TMEM132D: variants seen among roughly 807,000 people sequenced by gnomAD.
The protein encoded by TMEM132D is transmembrane protein 132D, also known as mature OL transmembrane protein.
In TMEM132D, 21 loss-of-function variants were observed where a neutral mutation model predicts 62.3. The observed-to-expected ratio is 0.34, with a 90% CI of 0.24 to 0.49. The LOEUF (loss-of-function observed/expected upper bound fraction) is 0.49. TMEM132D is among the 20% of genes least tolerant of loss of function. TMEM132D has a pLI of 0.99. For synonymous variants in TMEM132D, 621 were observed against 575.6 expected (o/e 1.08, Z -1.13); for missense variants, 1,346 against 1,402.8 (o/e 0.96, Z 0.65).
chr12:129,380,933 C>A lies in TMEM132D; in HGVS notation c.1116-43116G>T, dbSNP rs150809320. ...TCCTTTTTTTGTTGCCAGATGAAAT[C>A]TTTTCAAATAAATAAATGGATATTG... On this transcript the variant is annotated intron_variant, in intron 3 of 8. Coordinates refer to ENST00000422113, the MANE Select transcript of TMEM132D (RefSeq NM_133448.3). Among the ~76,000 whole-genome samples, 47 of 152,202 alleles carry A rather than the reference C, an allele frequency of 3.1e-4. 1 individual carries two copies. The highest frequency in any genetic ancestry group is 1.1e-3 in the African/African-American group (47 of 41,532).
At chr12:129,745,523 G>A (rs1469298511) in intron 1 of TMEM132D, among the ~76,000 whole-genome samples, 2 of 152,018 alleles carry the variant, frequency 1.3e-5, no homozygotes, top group East Asian at 3.9e-4. Flanking sequence ...GTGAGTGCAC[G>A]GATTCAACCC....
chr12:129,771,295 T>A (rs1172444501), intron 1 of TMEM132D, among the ~76,000 whole-genome samples: 1 of 152,220 alleles, frequency 6.6e-6, no homozygotes, highest in Non-Finnish European at 1.5e-5. Context: ...TTGAGGGGAT[T>A]AACCACTCTG....
At chr12:129,761,369 C>G (rs577817903) in intron 1 of TMEM132D, among the ~76,000 whole-genome samples, 1 of 152,236 alleles carries the variant, frequency 6.6e-6, no homozygotes, top group African/African-American at 2.4e-5. Context: ...TGGCTGCCCC[C>G]AAAGGGCCAC....
intron 5 of TMEM132D, among the ~76,000 whole-genome samples, chr12:129,126,404 C>T (rs1876216534): frequency 1.3e-5 from 2 of 150,346 alleles, no homozygotes; most frequent in Non-Finnish European, 3.0e-5. Flanking sequence ...TTTTTGGCCC[C>T]TTCAACCTTT....
At position 129,805,182 on chromosome 12, in the gene TMEM132D, A is replaced by T. The variant is rs1871938914; in HGVS notation, c.79+98079T>A. Among the ~76,000 whole-genome samples, 3 of 151,902 alleles carry T rather than the reference A, an allele frequency of 2.0e-5. No individual in the cohort carries two copies. In the South Asian group the frequency reaches 6.2e-4, roughly 32 times the overall value. ...CCAATGCCTTTCTTCACAGAATTGG[A>T]AAAAACTACTTTAAAGTTCATATGG... On this transcript the variant is annotated intron_variant, in intron 1 of 8. Coordinates refer to ENST00000422113, the MANE Select transcript of TMEM132D (RefSeq NM_133448.3).
intron 1 of TMEM132D, among the ~76,000 whole-genome samples, chr12:129,760,514 C>G (rs1447894580): frequency 6.6e-6 from 1 of 151,656 alleles, no homozygotes; most frequent in Non-Finnish European, 1.5e-5. Context: ...CCACGCCCGG[C>G]TGATTTTTGT....
At chr12:129,576,610 A>G (rs1308055118) in intron 2 of TMEM132D, among the ~76,000 whole-genome samples, 1 of 151,282 alleles carries the variant, frequency 6.6e-6, no homozygotes, top group African/African-American at 2.4e-5. Context: ...TTATACACAC[A>G]CACACACACA....
intron 4 of TMEM132D, among the ~76,000 whole-genome samples, chr12:129,268,933 A>G (rs2135599607): frequency 6.8e-6 from 1 of 147,464 alleles, no homozygotes; most frequent in East Asian, 2.1e-4. Context: ...AAAACCAAAC[A>G]CTGCATGTTC....
chr12:129,781,660 G>C (rs1871123548), intron 1 of TMEM132D, among the ~76,000 whole-genome samples: 1 of 152,132 alleles, frequency 6.6e-6, no homozygotes, highest in Admixed American at 6.5e-5. Context: ...CCAGCCTGTA[G>C]GAAGCAAAGA....
chr12:129,081,717 A>C, intron 7 of TMEM132D, 42 bp downstream of exon 7: 1 of 1,538,346 alleles, frequency 6.5e-7, no homozygotes, highest in Non-Finnish European at 8.7e-7. Context: ...AGGTGGGAAG[A>C]CAGAGAGATC....
chr12:129,299,123 A>G (rs1335304578), intron 4 of TMEM132D, among the ~76,000 whole-genome samples: 2 of 152,200 alleles, frequency 1.3e-5, no homozygotes, highest in Non-Finnish European at 2.9e-5. Context: ...TTCAGATATG[A>G]CATCTGATTT....
chr12:129,715,153 G>A (rs1467853028), intron 1 of TMEM132D, among the ~76,000 whole-genome samples: 2 of 152,120 alleles, frequency 1.3e-5, no homozygotes, highest in South Asian at 4.2e-4. Context: ...TTTTCTAAGG[G>A]CAAAGTCATT....
chr12:129,354,360 G>A (rs892560978), intron 3 of TMEM132D, among the ~76,000 whole-genome samples: 5 of 150,402 alleles, frequency 3.3e-5, no homozygotes, highest in African/African-American at 4.9e-5. Flanking sequence ...GTCTCGCTCC[G>A]TCACGCAGGC....
At chr12:129,110,171 C>G (rs905285012) in intron 5 of TMEM132D, 1 of 152,422 alleles carries the variant, frequency 6.6e-6, no homozygotes, top group Non-Finnish European at 1.5e-5. Context: ...CTGCCTACTC[C>G]TTCTCCATCT....
chr12:129,227,684 G>T (rs1486706584), intron 4 of TMEM132D, among the ~76,000 whole-genome samples: 1 of 151,648 alleles, frequency 6.6e-6, no homozygotes. Context: ...GTGCCATGTT[G>T]GTGTGCTGCA....
At chr12:129,495,936 T>G (rs571869187) in intron 3 of TMEM132D, among the ~76,000 whole-genome samples, 29 of 152,210 alleles carry the variant, frequency 1.9e-4, no homozygotes, top group Non-Finnish European at 3.2e-4. Context: ...GATTCAGTTT[T>G]ACTTTTACAA....
chr12:129,588,793 C>G (rs200644267), intron 2 of TMEM132D, among the ~76,000 whole-genome samples: 1 of 140,672 alleles, frequency 7.1e-6, no homozygotes, highest in East Asian at 2.1e-4. Context: ...AGGGTTTCAC[C>G]GTGTTATACT....
chr12:129,598,843 G>A (rs1878413720), intron 2 of TMEM132D, among the ~76,000 whole-genome samples: 2 of 152,150 alleles, frequency 1.3e-5, no homozygotes, highest in South Asian at 4.1e-4. Flanking sequence ...CCCTCACTGG[G>A]AGTACATGTG....
chr12:129,376,161 T>C (rs974966678), intron 3 of TMEM132D, among the ~76,000 whole-genome samples: 1 of 152,158 alleles, frequency 6.6e-6, no homozygotes, highest in Non-Finnish European at 1.5e-5. Flanking sequence ...ATCCCATTTT[T>C]AATAGGGTGG....
Sources: allele counts gnomAD v4.1 joint callset (sites outside exome capture counted in the v4.1 genomes callset), GRCh38; gene constraint gnomAD v4.1.1; transcripts MANE v1.5; gene names NCBI Gene and HGNC (gene_info 2026-07-23, HGNC 2026-07-21).